Variants in IL1RAPL2 observed in about 807,000 individuals in gnomAD.
The protein encoded by IL1RAPL2 is X-linked interleukin-1 receptor accessory protein-like 2.
In IL1RAPL2, 3 loss-of-function variants were observed where a neutral mutation model predicts 44.1. The ratio of observed to expected loss-of-function variants is 0.07; its 90% CI spans 0.03 to 0.18. The LOEUF is 0.18. IL1RAPL2 is among the 10% of genes least tolerant of loss of function. The pLI, the probability that IL1RAPL2 is intolerant of heterozygous loss-of-function variation, is 1.00. For missense variants in IL1RAPL2, 391 were observed against 496.4 expected (o/e 0.79, Z 2.02); for synonymous variants, 181 against 178.8 (o/e 1.01, Z -0.10).
chrX:104,781,248 A>G (rs1286698771), intron 2 of IL1RAPL2, among the ~76,000 whole-genome samples: 1 of 110,953 alleles, frequency 9.0e-6, no homozygotes, highest in Non-Finnish European at 1.9e-5. Context: ...TATCCCTAGT[A>G]TATTTTTAGC....
At chrX:105,253,708 C>T (rs967167435) in intron 4 of IL1RAPL2, among the ~76,000 whole-genome samples, 3 of 111,323 alleles carry the variant, frequency 2.7e-5, no homozygotes, top group African/African-American at 9.8e-5. Flanking sequence ...CCTCTCCTTC[C>T]ACCTTCAAGT....
At chrX:105,264,047 C>T (rs1405428131) in intron 4 of IL1RAPL2, among the ~76,000 whole-genome samples, 1 of 111,070 alleles carries the variant, frequency 9.0e-6, no homozygotes, top group Non-Finnish European at 1.9e-5. Context: ...TGGTGATATT[C>T]TTTGGCTGTG....
intron 2 of IL1RAPL2, among the ~76,000 whole-genome samples, chrX:104,717,581 G>A (rs1931594566): frequency 9.1e-6 from 1 of 109,920 alleles, no homozygotes; most frequent in South Asian, 4.0e-4. Context: ...CCTGAGGAGG[G>A]GGGGCAGACA....
intron 2 of IL1RAPL2, among the ~76,000 whole-genome samples, chrX:104,978,431 A>G (rs2030377078): frequency 8.9e-6 from 1 of 111,942 alleles, no homozygotes; most frequent in Non-Finnish European, 1.9e-5. Flanking sequence ...TACTAAAAGT[A>G]GCATACTATG....
At chrX:104,696,349 T>C (rs1010353726) in intron 2 of IL1RAPL2, among the ~76,000 whole-genome samples, 1 of 112,245 alleles carries the variant, frequency 8.9e-6, no homozygotes, top group Non-Finnish European at 1.9e-5. Flanking sequence ...GTTTTGTTAC[T>C]GCACCCTTAG....
intron 2 of IL1RAPL2, among the ~76,000 whole-genome samples, chrX:104,777,606 T>TCC (rs1235262175): frequency 2.8e-5 from 3 of 105,801 alleles, no homozygotes; most frequent in Non-Finnish European, 5.8e-5. Context: ...AGACAGAGTC[T>TCC]CCCTCTGTCA....
At chrX:105,724,753 T>C (rs1369766921) in intron 7 of IL1RAPL2, among the ~76,000 whole-genome samples, 1 of 112,365 alleles carries the variant, frequency 8.9e-6, no homozygotes, top group Non-Finnish European at 1.9e-5. Flanking sequence ...TCTGCCAAGC[T>C]CTACCATGTT....
At chrX:104,827,146 G>A (rs1251106964) in intron 2 of IL1RAPL2, among the ~76,000 whole-genome samples, 2 of 109,660 alleles carry the variant, frequency 1.8e-5, no homozygotes, top group Non-Finnish European at 3.8e-5. Context: ...ATATTGTTAT[G>A]TGTGAATTTG....
In IL1RAPL2 at chrX:104,805,792, C is replaced by A. The variant is rs772887886; in HGVS notation, c.82+146797C>A. On this transcript the variant is annotated intron_variant, in intron 2 of 10. Coordinates refer to ENST00000372582, the MANE Select transcript of IL1RAPL2 (RefSeq NM_017416.2). ...TTATGTCCTTCAACCCTCAAAATAA[C>A]CCTATGTGGTAGGTACTATTACACT... is the stretch of plus-strand genomic sequence containing the variant. Among the ~76,000 whole-genome samples the A allele has an allele frequency of 2.7e-5, 3 of 111,891 alleles. No homozygotes were observed. In the East Asian group the frequency reaches 8.4e-4, roughly 31 times the overall value.
chrX:105,451,423 G>A (rs1181121413), intron 5 of IL1RAPL2, among the ~76,000 whole-genome samples: 1 of 112,020 alleles, frequency 8.9e-6, no homozygotes, highest in Non-Finnish European at 1.9e-5. Flanking sequence ...TCAAAGGACT[G>A]TGAGGATTGA....
intron 2 of IL1RAPL2, among the ~76,000 whole-genome samples, chrX:104,957,226 G>T (rs1305820636): frequency 9.1e-6 from 1 of 110,089 alleles, no homozygotes; most frequent in African/African-American, 3.3e-5. Flanking sequence ...GGCACCAAGG[G>T]TGTCAAACAC....
chrX:105,607,686 A>G (rs1038024976), intron 6 of IL1RAPL2, among the ~76,000 whole-genome samples: 2 of 105,788 alleles, frequency 1.9e-5, no homozygotes, highest in Non-Finnish European at 3.9e-5. Flanking sequence ...TTCCAGTTAG[A>G]AGAAACATGG....
intron 2 of IL1RAPL2, among the ~76,000 whole-genome samples, chrX:104,933,315 T>C (rs1284270313): frequency 9.0e-6 from 1 of 110,918 alleles, no homozygotes; most frequent in African/African-American, 3.3e-5. Flanking sequence ...ATCTCATCTT[T>C]CCCCCCATGC....
chrX:105,529,029 G>A (rs7063790), intron 6 of IL1RAPL2, among the ~76,000 whole-genome samples: 17,646 of 110,797 alleles, frequency 0.16, 3,403 homozygotes, highest in African/African-American at 0.55. Flanking sequence ...ATAAATTCAA[G>A]GTAATTTAAG....
rs58609782 is a variant in IL1RAPL2, at chrX:104,786,919, TTC to T, written c.82+127987_82+127988del. Among the ~76,000 whole-genome samples the T allele has an allele frequency of 6.3e-3, 230 of 36,479 alleles. 2 individuals carry two copies. Among genetic ancestry groups the T allele is most frequent in the South Asian group, 0.017 (7 of 424 alleles). The allele number at this position is 36,479 out of a possible 115,157, so 31.7% of individuals were successfully genotyped here. On this transcript the variant is annotated intron_variant, in intron 2 of 10. Transcript: ENST00000372582. ...TCTCTCATTCTCATTCTCATTCATATTCTCTCTCTCTCTCTCTCTCTCTCTCT... is the reference window on the plus strand; with the variant it reads ...TCTCTCATTCTCATTCTCATTCATATTCTCTCTCTCTCTCTCTCTCTCTCT...
intron 5 of IL1RAPL2, among the ~76,000 whole-genome samples, chrX:105,305,051 A>G (rs1454986663): frequency 9.0e-6 from 1 of 111,275 alleles, no homozygotes; most frequent in Non-Finnish European, 1.9e-5. Flanking sequence ...ACCAGATCTC[A>G]TGAAAACTTT....
intron 3 of IL1RAPL2, among the ~76,000 whole-genome samples, chrX:105,208,862 T>C (rs2033785871): frequency 8.9e-6 from 1 of 111,970 alleles, no homozygotes; most frequent in Admixed American, 9.5e-5. Flanking sequence ...AAGAGATCTC[T>C]CCTCCTTTTA....
At chrX:105,009,764 A>C (rs969912550) in intron 2 of IL1RAPL2, among the ~76,000 whole-genome samples, 1 of 110,368 alleles carries the variant, frequency 9.1e-6, no homozygotes, top group Non-Finnish European at 1.9e-5. Flanking sequence ...ATAAAATTTA[A>C]AAAAAAGAAA....
rs193057318 is a variant in IL1RAPL2, at chrX:104,938,500, A to G, written c.83-256975A>G. On this transcript the variant is annotated intron_variant, in intron 2 of 10. Coordinates refer to ENST00000372582, the MANE Select transcript of IL1RAPL2 (RefSeq NM_017416.2). ...GAAATGCAATGTACAAATATCTTCA[A>G]TATTATGAATGCAGATTTGTTAAAT... 7.6e-3 allele frequency among the ~76,000 whole-genome samples: 844 copies of G among 111,701 alleles called. 38 individuals carry two copies. Among genetic ancestry groups the G allele is most frequent in the Admixed American group, 0.075 (781 of 10,433 alleles).
Sources: allele counts gnomAD v4.1 joint callset (sites outside exome capture counted in the v4.1 genomes callset), GRCh38; gene constraint gnomAD v4.1.1; transcripts MANE v1.5; gene names NCBI Gene and HGNC (gene_info 2026-07-23, HGNC 2026-07-21).